ZNF226: variants seen among roughly 807,000 people sequenced by gnomAD.
ZNF226 encodes zinc finger protein 226.
A neutral mutation model predicts 11.4 loss-of-function variants in ZNF226; 6 were observed. That is an observed-to-expected ratio of 0.53 (90% CI 0.29 to 1.04). The LOEUF (loss-of-function observed/expected upper bound fraction) is 1.04. Ranked by LOEUF, ZNF226 falls within the 50% of genes least tolerant of loss-of-function variation. ZNF226 has a pLI of 0.08. For missense variants in ZNF226, 1,058 were observed against 956.5 expected (o/e 1.11, Z -1.40); for synonymous variants, 350 against 322.8 (o/e 1.08, Z -0.90).
intron 3 of ZNF226, among the ~76,000 whole-genome samples, chr19:44,171,175 T>C (rs957532674): frequency 2.0e-5 from 3 of 152,156 alleles, no homozygotes; most frequent in Non-Finnish European, 4.4e-5. Flanking sequence ...TCTGAAAAAA[T>C]CAATTTTGAA....
chr19:44,178,568 ATTAG>A (rs879499194), downstream of ZNF226, among the ~76,000 whole-genome samples: 3 of 152,230 alleles, frequency 2.0e-5, no homozygotes, highest in Non-Finnish European at 2.9e-5. Flanking sequence ...AGGACAAAAT[ATTAG>A]TTAAAATTTG....
At chr19:44,180,462 A>G (rs890304754), downstream of ZNF226, among the ~76,000 whole-genome samples, 1 of 152,202 alleles carries the variant, frequency 6.6e-6, no homozygotes, top group African/African-American at 2.4e-5. Flanking sequence ...GTTAGATATC[A>G]GAAATCCTGA....
chr19:44,178,347 A>G (rs1032543363), downstream of ZNF226: 1 of 152,090 alleles, frequency 6.6e-6, no homozygotes, highest in Non-Finnish European at 1.5e-5. Flanking sequence ...TACTACACTT[A>G]TTTTTTCAAC....
rs1970762945 is a variant in ZNF226 at position 44,177,102 on chromosome 19, C to T, written c.1840C>T (p.Pro614Ser). The change falls in exon 6 of 6, where the codon CCA becomes TCA. Residue 614 changes from proline to serine, a missense_variant. By Grantham distance (74) the Pro-to-Ser change is moderately conservative. Transcript: ENST00000337433. ...CTGTAGGATCCACACAGGAGAGAAA[C>T]CATATAATTGTGAGGAGTGTGGGAA... is the stretch of plus-strand genomic sequence containing the variant. ...IHCRIHTGEKPYNCEECGKVF... is the reference protein window; with the variant it reads ...IHCRIHTGEKSYNCEECGKVF... 1 of 1,613,954 alleles carries T rather than the reference C, an allele frequency of 6.2e-7. No homozygotes were observed. Among genetic ancestry groups the T allele is most frequent in the Non-Finnish European group, 8.5e-7 (1 of 1,179,998 alleles).
downstream of ZNF226, among the ~76,000 whole-genome samples, chr19:44,178,577 A>G (rs571740360): frequency 6.6e-6 from 1 of 152,340 alleles, no homozygotes; most frequent in East Asian, 1.9e-4. Context: ...TATTAGTTAA[A>G]ATTTGATAAA....
chr19:44,172,007 C>A (rs1287091421), intron 3 of ZNF226, 81 bp from the exon 4 acceptor site: 2 of 1,563,152 alleles, frequency 1.3e-6, no homozygotes, highest in Non-Finnish European at 1.7e-6. Flanking sequence ...GCATCCAGAA[C>A]AACTTTCCAC....
At chr19:44,179,972 A>C (rs1276434729), downstream of ZNF226, among the ~76,000 whole-genome samples, 1 of 151,306 alleles carries the variant, frequency 6.6e-6, no homozygotes, top group Non-Finnish European at 1.5e-5. Context: ...CTGTAATTCC[A>C]GCTACTCAGG....
downstream of ZNF226, among the ~76,000 whole-genome samples, chr19:44,182,453 C>T (rs1970920602): frequency 6.6e-6 from 1 of 152,184 alleles, no homozygotes; most frequent in Admixed American, 6.5e-5. Context: ...GGAAATTGTC[C>T]CCAACTGAGA....
At chr19:44,196,591 T>C in the ZNF226 span, among the ~76,000 whole-genome samples, 2 of 152,210 alleles carry the variant, frequency 1.3e-5, no homozygotes, top group East Asian at 1.9e-4. Flanking sequence ...ACTCTAGATA[T>C]GAATTTGCCT....
At chr19:44,194,622 G>A in the ZNF226 span, among the ~76,000 whole-genome samples, 1 of 152,074 alleles carries the variant, frequency 6.6e-6, no homozygotes, top group Non-Finnish European at 1.5e-5. Context: ...ATTTACCAAA[G>A]ATTTACCTAA....
Position 44,177,210 on chromosome 19 carries a change from A to G in ZNF226, c.1948A>G (p.Lys650Glu), listed in dbSNP as rs577946652. The G allele has an allele frequency of 3.1e-6, 5 of 1,614,024 alleles. No homozygotes were observed. The African/African-American group carries it at 6.7e-5, about 22-fold the overall frequency. ...ACCATTCAAATGTGAAGAATGTGGG[A>G]AGAGTTTCGGTCGGAGTGCACATCT... is the stretch of plus-strand genomic sequence containing the variant. ...EKPFKCEECG[K>E]SFGRSAHLQA... Residue 650 changes from lysine (K) to glutamate (E), a missense_variant, in exon 6 of 6, where the codon AAG becomes GAG. By Grantham distance (56) the Lys-to-Glu change is moderately conservative (BLOSUM62 1). Coordinates refer to ENST00000337433, the MANE Select transcript of ZNF226 (RefSeq NM_001032373.2).
chr19:44,177,945 T>A (rs1458948306), downstream of ZNF226: 1 of 316,098 alleles, frequency 3.2e-6, no homozygotes, highest in Non-Finnish European at 5.8e-6. Flanking sequence ...GTTAACTCCA[T>A]AAAGACAGAA....
Position 44,177,244 on chromosome 19 carries a change from A to T in ZNF226, c.1982A>T (p.His661Leu). The T allele has an allele frequency of 6.2e-7, 1 of 1,614,088 alleles. No homozygotes were observed. Among genetic ancestry groups the T allele is most frequent in the Non-Finnish European group, 8.5e-7 (1 of 1,180,008 alleles). ...GGTCGGAGTGCACATCTTCAAGCCC[A>T]TCAAAAAGTCCACACTGGAGATAAG... ...SFGRSAHLQA[H>L]QKVHTGDKPY... Residue 661 changes from histidine to leucine, a missense_variant, in exon 6 of 6, where the codon CAT becomes CTT. His to Leu is a moderately conservative substitution (Grantham distance 99). Coordinates refer to ENST00000337433, the MANE Select transcript of ZNF226 (RefSeq NM_001032373.2).
chr19:44,173,067 C>T (rs1970291429), intron 5 of ZNF226, 115 bp downstream of exon 5: 2 of 956,586 alleles, frequency 2.1e-6, no homozygotes, highest in South Asian at 1.5e-5. Context: ...TGGATTATTG[C>T]AACACCCTTT....
At chr19:44,187,049 A>G in the ZNF226 span, among the ~76,000 whole-genome samples, 1 of 151,856 alleles carries the variant, frequency 6.6e-6, no homozygotes, top group Non-Finnish European at 1.5e-5. This position sits in a 1 kb window ranked among gnomAD's most constrained non-coding sequence, Gnocchi z 4.0. Context: ...TTTTTGCATC[A>G]ATATTTATCA....
At chr19:44,192,895 G>C in the ZNF226 span, among the ~76,000 whole-genome samples, 1 of 152,164 alleles carries the variant, frequency 6.6e-6, no homozygotes, top group Non-Finnish European at 1.5e-5. Context: ...TTGTATCACT[G>C]TATTAATACT....
At chr19:44,165,974 A>G (rs1410644844) in intron 2 of ZNF226, among the ~76,000 whole-genome samples, 167 bp downstream of exon 2, 3 of 152,212 alleles carry the variant, frequency 2.0e-5, no homozygotes, top group Admixed American at 1.3e-4. Context: ...GGCTCTGTGA[A>G]GTGATACTCT....
the ZNF226 span, among the ~76,000 whole-genome samples, chr19:44,185,328 T>C: frequency 6.6e-6 from 1 of 152,222 alleles, no homozygotes; most frequent in Non-Finnish European, 1.5e-5. Context: ...AGCCTCCATA[T>C]TATTTTCCAT....
the ZNF226 span, among the ~76,000 whole-genome samples, chr19:44,184,552 A>T: frequency 6.6e-6 from 1 of 151,572 alleles, no homozygotes; most frequent in South Asian, 2.1e-4. Context: ...ACTGCACTCC[A>T]GCTTGGGTGA....
Sources: allele counts gnomAD v4.1 joint callset (sites outside exome capture counted in the v4.1 genomes callset), GRCh38; gene constraint gnomAD v4.1.1; non-coding constraint Gnocchi (gnomAD v3.1); transcripts MANE v1.5; gene names NCBI Gene and HGNC (gene_info 2026-07-23, HGNC 2026-07-21).